The following RPTOR variants were observed in gnomAD, a reference collection of about 807,000 sequenced individuals.
The protein encoded by RPTOR is regulatory-associated protein of mTOR.
In RPTOR, 21 loss-of-function variants were observed where a neutral mutation model predicts 169.9. The ratio of observed to expected loss-of-function variants is 0.12; its 90% CI spans 0.09 to 0.18. The LOEUF (loss-of-function observed/expected upper bound fraction) is 0.18. Among genes scored for constraint, RPTOR ranks in the 10% least tolerant of loss-of-function variants. The pLI is 1.00. For synonymous variants in RPTOR, 732 were observed against 753.2 expected (o/e 0.97, Z 0.46); for missense variants, 1,133 against 1,855.9 (o/e 0.61, Z 7.16).
At position 80,823,111 on chromosome 17, in the gene RPTOR, C is replaced by T. The variant is rs2143617994; in HGVS notation, c.1024C>T (p.Leu342=). 1 of 1,614,156 alleles carries T rather than the reference C, an allele frequency of 6.2e-7. No homozygotes were observed. The highest frequency in any genetic ancestry group is 8.5e-7 in the Non-Finnish European group (1 of 1,180,026). ...CCAAAAGCTCTTCAGACAGGACTTG[C>T]TGGTGGCTAGTCTGTTTCGAAATTT... The part of the protein sequence containing the change: ...LFQKLFRQDL[L]VASLFRNFLL... Residue 342 remains leucine, a synonymous_variant, in exon 9 of 34, where the codon CTG becomes TTG. Transcript: ENST00000306801. This position sits in a 1 kb window ranked among gnomAD's most constrained non-coding sequence, Gnocchi z 4.5.
rs147906656 is a variant in RPTOR, at chr17:80,827,039, A to G, written c.1136+3816A>G. 3.3e-5 allele frequency among the ~76,000 whole-genome samples: 5 copies of G among 152,220 alleles called. No individual in the cohort carries two copies. In the East Asian group the frequency reaches 9.7e-4, roughly 29 times the overall value. On this transcript the variant is annotated intron_variant, in intron 9 of 33. Coordinates refer to ENST00000306801, the MANE Select transcript of RPTOR (RefSeq NM_020761.3). ...GGGAAGGAAGAGGCGAGCAGGAGTG[A>G]CTCACACCAGGCTCGGGCTCCAGGC...
chr17:80,623,985 T>C (rs1183536174), intron 1 of RPTOR, among the ~76,000 whole-genome samples: 1 of 152,160 alleles, frequency 6.6e-6, no homozygotes, highest in African/African-American at 2.4e-5. Flanking sequence ...CATTTCACAC[T>C]GTACCCTCAA....
chr17:80,591,052 T>C (rs2065100856), intron 1 of RPTOR, among the ~76,000 whole-genome samples: 1 of 151,206 alleles, frequency 6.6e-6, no homozygotes, highest in Non-Finnish European at 1.5e-5. Context: ...TTAAAAAGTT[T>C]AGTGGCATAG....
Position 80,765,116 on chromosome 17 carries a change from G to A in RPTOR, c.830+10931G>A, listed in dbSNP as rs113332633. On this transcript the variant is annotated intron_variant, in intron 6 of 33. Transcript: ENST00000306801. ...AGATGAAAAACAAAATGAAGAGAGCGAATCTGAAAGATACAGGCAGCCCTA... is the reference window on the plus strand; with the variant it reads ...AGATGAAAAACAAAATGAAGAGAGCAAATCTGAAAGATACAGGCAGCCCTA... Among the ~76,000 whole-genome samples, 1,322 of 152,242 alleles carry A rather than the reference G, an allele frequency of 8.7e-3. 11 individuals are homozygous for A. Among genetic ancestry groups the A allele is most frequent in the Non-Finnish European group, 0.015 (1,003 of 68,006 alleles).
intron 25 of RPTOR, among the ~76,000 whole-genome samples, chr17:80,942,311 C>G (rs2069041873): frequency 6.6e-6 from 1 of 151,242 alleles, no homozygotes; most frequent in South Asian, 2.1e-4. Context: ...GAGCTGGCCC[C>G]TGATGGCCAA....
chr17:80,730,762 G>A lies in RPTOR; in HGVS notation c.654+56G>A. On this transcript the variant is annotated intron_variant, in intron 5 of 33. Coordinates refer to ENST00000306801, the MANE Select transcript of RPTOR (RefSeq NM_020761.3). This position sits in a 1 kb window ranked among gnomAD's most constrained non-coding sequence, Gnocchi z 4.2. ...TGGGTTTGGTTTTGTTTTCCCTGGG[G>A]GTGGGGTTTGGGTGGGGAGGTTGGG... The A allele has an allele frequency of 2.0e-6, 3 of 1,478,196 alleles. No individual in the cohort carries two copies. Among genetic ancestry groups the A allele is most frequent in the African/African-American group, 1.4e-5 (1 of 72,400 alleles). 91.6% of individuals were successfully genotyped at this position (1,478,196 alleles called of 1,614,324 possible). A position where few individuals can be genotyped will look rare whatever the true frequency, so the allele number is the denominator to read the frequency against.
At chr17:80,752,229 C>T (rs567129470) in intron 5 of RPTOR, among the ~76,000 whole-genome samples, 1 of 152,322 alleles carries the variant, frequency 6.6e-6, no homozygotes, top group African/African-American at 2.4e-5. Context: ...CCCCTCTCCC[C>T]TCTCCCCACA....
At chr17:80,593,596 TA>T (rs2065123370) in intron 1 of RPTOR, 1 of 154,144 alleles carries the variant, frequency 6.5e-6, no homozygotes, top group South Asian at 2.0e-4. Flanking sequence ...TGCAGCTCCA[TA>T]TGTGATGCTG....
At chr17:80,836,689 C>T (rs1260330852) in intron 9 of RPTOR, among the ~76,000 whole-genome samples, 1 of 152,150 alleles carries the variant, frequency 6.6e-6, no homozygotes, top group Non-Finnish European at 1.5e-5. Context: ...AGAAAGCTCA[C>T]AGGGCAGCTG....
At chr17:80,907,104 A>T (rs1318028757) in intron 20 of RPTOR, among the ~76,000 whole-genome samples, 4 of 151,924 alleles carry the variant, frequency 2.6e-5, no homozygotes, top group African/African-American at 9.7e-5. Context: ...GTCGTGCAAA[A>T]CCCACTCCAC....
intron 1 of RPTOR, among the ~76,000 whole-genome samples, chr17:80,586,122 A>G (rs1206449822): frequency 6.6e-6 from 1 of 152,176 alleles, no homozygotes; most frequent in African/African-American, 2.4e-5. Context: ...CTGTGAGGGC[A>G]TCAATCCCCC....
intron 1 of RPTOR, among the ~76,000 whole-genome samples, chr17:80,622,808 T>C (rs2065364125): frequency 2.0e-5 from 3 of 151,976 alleles, no homozygotes; most frequent in African/African-American, 7.3e-5. Flanking sequence ...GAGGCTGAGG[T>C]GGGAGGATCG....
chr17:80,598,880 C>CG, intron 1 of RPTOR, among the ~76,000 whole-genome samples: 1 of 145,240 alleles, frequency 6.9e-6, no homozygotes, highest in East Asian at 2.0e-4. Flanking sequence ...TTTCTTGATT[C>CG]TTTCTATCTA....
At chr17:80,849,541 A>T (rs1325325571) in intron 11 of RPTOR, among the ~76,000 whole-genome samples, 1 of 152,122 alleles carries the variant, frequency 6.6e-6, no homozygotes, top group Non-Finnish European at 1.5e-5. Context: ...TTTTTTTGAG[A>T]TGGAGTCTCA....
In RPTOR at chr17:80,838,029, G is replaced by A. The variant is rs370926938; in HGVS notation, c.1212+32G>A. ...CCCTCCAAGGGCACCCTGTGCATCCGCGGCGGCAGCCACTTCTCTGGGCAC... is the reference window on the plus strand; with the variant it reads ...CCCTCCAAGGGCACCCTGTGCATCCACGGCGGCAGCCACTTCTCTGGGCAC... On this transcript the variant is annotated intron_variant, in intron 10 of 33. Transcript: ENST00000306801. The A allele has an allele frequency of 3.1e-5, 48 of 1,570,740 alleles. No individual in the cohort carries two copies. In the African/African-American group the frequency reaches 4.4e-4, roughly 15 times the overall value.
chr17:80,769,306 A>C (rs1194008601), intron 6 of RPTOR, among the ~76,000 whole-genome samples: 1 of 152,248 alleles, frequency 6.6e-6, no homozygotes, highest in African/African-American at 2.4e-5. Context: ...TAAATGTTGT[A>C]TATGTATGTT....
chr17:80,652,765 G>A (rs2065650886), intron 3 of RPTOR, among the ~76,000 whole-genome samples: 1 of 152,194 alleles, frequency 6.6e-6, no homozygotes, highest in Non-Finnish European at 1.5e-5. Flanking sequence ...TGGGGTTGCT[G>A]GGTCATATGG....
intron 28 of RPTOR, among the ~76,000 whole-genome samples, chr17:80,956,669 C>T (rs1598424602): frequency 6.6e-6 from 1 of 152,258 alleles, no homozygotes; most frequent in Non-Finnish European, 1.5e-5. Flanking sequence ...TCTTAGACGT[C>T]GCTGCAAGGG....
At chr17:80,557,874 C>T (rs9898117) in intron 1 of RPTOR, among the ~76,000 whole-genome samples, 8,268 of 151,308 alleles carry the variant, frequency 0.055, 736 homozygotes, top group African/African-American at 0.19. Flanking sequence ...TGCAGTGAGC[C>T]GAGATCGTGC....
Sources: gnomAD v4.1 joint callset for allele counts (sites outside exome capture counted in the v4.1 genomes callset) on GRCh38, gnomAD v4.1.1 for gene constraint, Gnocchi (gnomAD v3.1) non-coding constraint, MANE v1.5 for transcripts, NCBI Gene and HGNC (gene_info 2026-07-23, HGNC 2026-07-21) for gene names.